DHRSX: variants seen among roughly 807,000 people sequenced by gnomAD.
DHRSX encodes the protein polyprenol dehydrogenase.
A neutral mutation model predicts 34.0 loss-of-function variants in DHRSX; 31 were observed. The ratio of observed to expected loss-of-function variants is 0.91; its 90% CI spans 0.69 to 1.23. The LOEUF (loss-of-function observed/expected upper bound fraction) is 1.23. Among genes scored for constraint, DHRSX ranks in the 50% most tolerant of loss-of-function variants. DHRSX has a pLI of 0.00. For missense variants in DHRSX, 414 were observed against 428.1 expected (o/e 0.97, Z 0.29); for synonymous variants, 201 against 183.8 (o/e 1.09, Z -0.76).
intron 3 of DHRSX, among the ~76,000 whole-genome samples, chrX:2,330,631 G>A (rs1171462216): frequency 6.7e-6 from 1 of 149,938 alleles, no homozygotes; most frequent in African/African-American, 2.5e-5. Flanking sequence ...AGGAGAGAAA[G>A]GGAAGGAGAA....
intron 4 of DHRSX, among the ~76,000 whole-genome samples, chrX:2,282,816 G>T: frequency 1.4e-5 from 1 of 72,594 alleles, no homozygotes; most frequent in East Asian, 3.3e-4. Context: ...GAGAGAAAGA[G>T]AGAGAGGGAG....
intron 3 of DHRSX, among the ~76,000 whole-genome samples, chrX:2,352,076 T>A (rs776254356): frequency 4.6e-5 from 7 of 152,158 alleles, no homozygotes; most frequent in Admixed American, 2.6e-4. Flanking sequence ...AAAAGCACCA[T>A]TGGACAACCA....
At chrX:2,236,874 G>A (rs2016027323) in intron 6 of DHRSX, among the ~76,000 whole-genome samples, 1 of 133,698 alleles carries the variant, frequency 7.5e-6, no homozygotes, top group South Asian at 2.6e-4. Flanking sequence ...GGTTAGATTT[G>A]TTTATTAATA....
At chrX:2,247,978 C>G (rs1277147116) in intron 5 of DHRSX, among the ~76,000 whole-genome samples, 1 of 152,086 alleles carries the variant, frequency 6.6e-6, no homozygotes, top group Non-Finnish European at 1.5e-5. Context: ...TTTCCCTACA[C>G]CCTGAGTATA....
chrX:2,488,834 A>C (rs1329701021), intron 1 of DHRSX: 2 of 1,613,762 alleles, frequency 1.2e-6, no homozygotes, highest in East Asian at 2.2e-5. Flanking sequence ...CTTGGCGCTG[A>C]CCACGTTGGC....
At chrX:2,312,960 T>C (rs2042180670) in intron 3 of DHRSX, among the ~76,000 whole-genome samples, 1 of 152,108 alleles carries the variant, frequency 6.6e-6, no homozygotes, top group Admixed American at 6.6e-5. Context: ...GAATCCACCT[T>C]GTTCCTGTAA....
chrX:2,495,636 C>G (rs1414121630), intron 1 of DHRSX, among the ~76,000 whole-genome samples: 1 of 152,224 alleles, frequency 6.6e-6, no homozygotes, highest in Non-Finnish European at 1.5e-5. Flanking sequence ...AGCTGACCTT[C>G]TGCAGTGAGT....
intron 1 of DHRSX, among the ~76,000 whole-genome samples, chrX:2,484,494 G>A (rs1383757156): frequency 6.6e-6 from 1 of 152,162 alleles, no homozygotes; most frequent in Non-Finnish European, 1.5e-5. Flanking sequence ...CTTCCCAGAA[G>A]TTGCTCAGAA....
intron 3 of DHRSX, among the ~76,000 whole-genome samples, chrX:2,322,827 T>G (rs2042328962): frequency 1.3e-5 from 2 of 152,112 alleles, no homozygotes; most frequent in South Asian, 2.1e-4. Context: ...AAGTTTTGGG[T>G]GAGTCAAAAG....
At chrX:2,451,246 A>AG (rs1358145704) in intron 1 of DHRSX, among the ~76,000 whole-genome samples, 3 of 151,728 alleles carry the variant, frequency 2.0e-5, no homozygotes, top group African/African-American at 7.3e-5. Context: ...AAAAAAAAAA[A>AG]AAAAAGTTGC....
At chrX:2,276,655 GGGA>G (rs1267471173) in intron 4 of DHRSX, among the ~76,000 whole-genome samples, 10 of 143,930 alleles carry the variant, frequency 6.9e-5, no homozygotes, top group Non-Finnish European at 1.0e-4. Context: ...TATCCTGAAC[GGGA>G]GGAGAAGGGA....
chrX:2,254,891 C>T (rs140043120), intron 5 of DHRSX, among the ~76,000 whole-genome samples: 1 of 151,310 alleles, frequency 6.6e-6, no homozygotes, highest in Non-Finnish European at 1.5e-5. Flanking sequence ...TGATCCACCC[C>T]CTAGGCCTCC....
At chrX:2,315,338 G>A (rs1424840210) in intron 3 of DHRSX, among the ~76,000 whole-genome samples, 11 of 152,082 alleles carry the variant, frequency 7.2e-5, no homozygotes, top group African/African-American at 2.2e-4. Flanking sequence ...CATCAGTAAC[G>A]TGGGGTACAG....
intron 2 of DHRSX, among the ~76,000 whole-genome samples, chrX:2,412,447 G>A (rs762550640): frequency 4.6e-5 from 7 of 151,928 alleles, no homozygotes; most frequent in South Asian, 2.1e-4. Context: ...TGATGTTGTC[G>A]TCATTTTTTT....
At chrX:2,331,441 T>TTTTTTTTG (rs1569490003) in intron 3 of DHRSX, among the ~76,000 whole-genome samples, 3 of 67,834 alleles carry the variant, frequency 4.4e-5, no homozygotes, top group African/African-American at 8.9e-5. Flanking sequence ...TTTTGGTTTT[T>TTTTTTTTG]TTTTTTTTTT....
chrX:2,401,108 CTTTTT>C (rs35151918), intron 3 of DHRSX, among the ~76,000 whole-genome samples: 9 of 128,506 alleles, frequency 7.0e-5, no homozygotes, highest in African/African-American at 8.8e-5. Flanking sequence ...ATTTGGGAAG[CTTTTT>C]TTTTTTTTTT....
Position 2,426,120 on chromosome X carries a change from G to T in DHRSX, c.110-816C>A, listed in dbSNP as rs186606348. Among the ~76,000 whole-genome samples the T allele has an allele frequency of 2.2e-3, 338 of 152,196 alleles. 1 individual carries two copies. Among genetic ancestry groups the T allele is most frequent in the Non-Finnish European group, 3.6e-3 (246 of 68,000 alleles). On this transcript the variant is annotated intron_variant, in intron 1 of 6. Coordinates refer to ENST00000334651, the MANE Select transcript of DHRSX (RefSeq NM_145177.3). ...AGGTGGGCTCTTCACCACCTCTGGG[G>T]ATTCGCTAGCTATGGGAGGGGCAGG...
At chrX:2,371,560 C>CCCTCCTTCCGTTACCATAGTA (rs1556494552) in intron 3 of DHRSX, among the ~76,000 whole-genome samples, 27 of 125,566 alleles carry the variant, frequency 2.2e-4, no homozygotes, top group East Asian at 1.8e-3. Flanking sequence ...TTACCATAGT[C>CCCTCCTTCCGTTACCATAGTA]CCTCCTTCCA....
intron 3 of DHRSX, among the ~76,000 whole-genome samples, chrX:2,355,925 G>A (rs2042845215): frequency 6.6e-6 from 1 of 151,478 alleles, no homozygotes; most frequent in South Asian, 2.1e-4. Context: ...ATGTAGCCAG[G>A]TGTGGTGGCA....
Sources: gnomAD v4.1 joint callset for allele counts (sites outside exome capture counted in the v4.1 genomes callset) on GRCh38, gnomAD v4.1.1 for gene constraint, MANE v1.5 for transcripts, NCBI Gene and HGNC (gene_info 2026-07-23, HGNC 2026-07-21) for gene names.